CTNNA3: variants seen among roughly 807,000 people sequenced by gnomAD.
CTNNA3 encodes the protein catenin alpha 3, also known as catenin alpha-3.
In CTNNA3, 76 loss-of-function variants were observed where a neutral mutation model predicts 95.7. The observed-to-expected ratio is 0.79, with a 90% CI of 0.66 to 0.96. The LOEUF is 0.96. CTNNA3 is among the 40% of genes least tolerant of loss of function. The pLI is 0.00. For synonymous variants in CTNNA3, 431 were observed against 374.4 expected (o/e 1.15, Z -1.74); for missense variants, 1,191 against 1,089.8 (o/e 1.09, Z -1.31).
chr10:66,841,236 C>T (rs1589318377), intron 7 of CTNNA3, among the ~76,000 whole-genome samples: 1 of 152,058 alleles, frequency 6.6e-6, no homozygotes. Context: ...TATTTACTTA[C>T]AAACGGTGTA....
chr10:67,247,462 T>G (rs550162465), intron 5 of CTNNA3, among the ~76,000 whole-genome samples: 1 of 152,260 alleles, frequency 6.6e-6, no homozygotes, highest in South Asian at 2.1e-4. Context: ...AAATACAAGA[T>G]GAGTATATTG....
intron 10 of CTNNA3, among the ~76,000 whole-genome samples, chr10:66,610,561 C>A (rs1158086289): frequency 6.6e-6 from 1 of 152,012 alleles, no homozygotes; most frequent in African/African-American, 2.4e-5. Context: ...CAAGGAAATT[C>A]AAATCAAACC....
chr10:66,453,886 G>C (rs1206264031), intron 11 of CTNNA3, among the ~76,000 whole-genome samples: 1 of 152,166 alleles, frequency 6.6e-6, no homozygotes, highest in Non-Finnish European at 1.5e-5. Context: ...AAGATACCCA[G>C]ATTGTCATCC....
intron 7 of CTNNA3, among the ~76,000 whole-genome samples, chr10:67,095,038 T>C (rs1857895553): frequency 7.4e-6 from 1 of 134,558 alleles, no homozygotes; most frequent in African/African-American, 3.1e-5. Flanking sequence ...TACATATATG[T>C]TTATATATTA....
chr10:67,461,578 T>C (rs989785424), intron 5 of CTNNA3, among the ~76,000 whole-genome samples: 1 of 151,970 alleles, frequency 6.6e-6, no homozygotes, highest in African/African-American at 2.4e-5. Flanking sequence ...AAGAAATAAA[T>C]AGGGAAGCAA....
intron 9 of CTNNA3, among the ~76,000 whole-genome samples, chr10:66,727,367 A>G (rs980364888): frequency 7.2e-5 from 11 of 152,116 alleles, no homozygotes; most frequent in Non-Finnish European, 1.2e-4. Flanking sequence ...CTAGCTCCCT[A>G]TTAAAGTATA....
intron 11 of CTNNA3, among the ~76,000 whole-genome samples, chr10:66,394,112 A>C: frequency 6.6e-6 from 1 of 152,060 alleles, no homozygotes; most frequent in East Asian, 1.9e-4. Context: ...ATTAATTTTC[A>C]TTGAGCATAA....
At chr10:67,075,767 G>A (rs1338165991) in intron 7 of CTNNA3, among the ~76,000 whole-genome samples, 1 of 152,180 alleles carries the variant, frequency 6.6e-6, no homozygotes, top group Non-Finnish European at 1.5e-5. Flanking sequence ...CTTGGCAAAT[G>A]AGGCTAAAAA....
chr10:66,247,499 G>A (rs1250030662), intron 13 of CTNNA3, among the ~76,000 whole-genome samples: 1 of 152,128 alleles, frequency 6.6e-6, no homozygotes, highest in Non-Finnish European at 1.5e-5. Flanking sequence ...TAGGGTTATA[G>A]AACACCATGC....
chr10:67,493,076 G>C (rs1838905032), intron 5 of CTNNA3, among the ~76,000 whole-genome samples: 1 of 152,114 alleles, frequency 6.6e-6, no homozygotes, highest in Admixed American at 6.5e-5. Context: ...GCATTTTGAA[G>C]ATCCTTGAAG....
intron 5 of CTNNA3, among the ~76,000 whole-genome samples, chr10:67,420,856 T>C (rs148779695): frequency 6.6e-6 from 1 of 152,282 alleles, no homozygotes; most frequent in East Asian, 1.9e-4. Context: ...ACGTATAAAG[T>C]TCAGGGGTTA....
Position 66,382,450 on chromosome 10 carries a change from A to G in CTNNA3, c.1532-3098T>C, listed in dbSNP as rs933559937. On this transcript the variant is annotated intron_variant, in intron 11 of 17. Transcript: ENST00000433211. ...AGGAAGCTCGAACTAGGTGGAGCCC[A>G]CCGAGCTCAACAAGGCCTACTGCCT... Among the ~76,000 whole-genome samples, 7 of 151,980 alleles carry G rather than the reference A, an allele frequency of 4.6e-5. No homozygotes were observed. The South Asian group carries it at 1.5e-3, about 32-fold the overall frequency.
intron 5 of CTNNA3, among the ~76,000 whole-genome samples, chr10:67,507,668 A>G (rs919898738): frequency 2.0e-5 from 3 of 152,190 alleles, no homozygotes; most frequent in Admixed American, 1.3e-4. Flanking sequence ...ACTAATACCA[A>G]TTCTCAAACT....
In CTNNA3 at chr10:66,537,309, A is replaced by G. The variant is rs117180827; in HGVS notation, c.1375-16536T>C. On this transcript the variant is annotated intron_variant, in intron 10 of 17. Coordinates refer to ENST00000433211, the MANE Select transcript of CTNNA3 (RefSeq NM_013266.4). ...GTCACAAAGACCAGACCACATCTTT[A>G]TGTCAGAGGGCATAGAGTTCACTCA... Among the ~76,000 whole-genome samples, 9 of 152,264 alleles carry G rather than the reference A, an allele frequency of 5.9e-5. No individual in the cohort carries two copies. In the East Asian group the frequency reaches 1.7e-3, roughly 29 times the overall value.
chr10:66,106,067 C>T (rs982434630), intron 13 of CTNNA3, among the ~76,000 whole-genome samples: 2 of 151,934 alleles, frequency 1.3e-5, no homozygotes, highest in South Asian at 2.1e-4. Flanking sequence ...ATTAGCTGGG[C>T]GTGGTGGCAC....
chr10:67,317,247 A>G (rs982625693), intron 5 of CTNNA3, among the ~76,000 whole-genome samples: 1 of 151,452 alleles, frequency 6.6e-6, no homozygotes, highest in Non-Finnish European at 1.5e-5. Context: ...GTTTTAGGGT[A>G]CATGTGCACA....
intron 7 of CTNNA3, among the ~76,000 whole-genome samples, chr10:67,123,652 C>T (rs1308582986): frequency 6.6e-6 from 1 of 151,962 alleles, no homozygotes; most frequent in African/African-American, 2.4e-5. Context: ...GCAAAATGTT[C>T]AATTATAAAA....
rs71006125 is a variant in CTNNA3, at chr10:67,089,717, A to ATGTGTGTGTGTG, written c.1047+90588_1047+90599dup. Among the ~76,000 whole-genome samples the ATGTGTGTGTGTG allele has an allele frequency of 4.2e-3, 610 of 144,718 alleles. 1 individual carries two copies. The highest frequency in any genetic ancestry group is 0.011 in the East Asian group (53 of 4,842). 94.9% of individuals were successfully genotyped at this position (144,718 alleles called of 152,430 possible). A position where few individuals can be genotyped will look rare whatever the true frequency, so the allele number is the denominator to read the frequency against. ...AGAGTATACATATGTGTATATACAT[A>ATGTGTGTGTGTG]TGTGTGTGTGTGTGTGTGTGTGTGT... On this transcript the variant is annotated intron_variant, in intron 7 of 17. Transcript: ENST00000433211.
intron 15 of CTNNA3, among the ~76,000 whole-genome samples, chr10:65,990,223 C>T (rs1041138908): frequency 3.3e-5 from 5 of 151,814 alleles, no homozygotes; most frequent in Non-Finnish European, 7.4e-5. Context: ...ATGCTGATTT[C>T]CTTTTCTTTG....
Sources: allele counts gnomAD v4.1 joint callset (sites outside exome capture counted in the v4.1 genomes callset), GRCh38; gene constraint gnomAD v4.1.1; transcripts MANE v1.5; gene names NCBI Gene and HGNC (gene_info 2026-07-23, HGNC 2026-07-21).